Variants in PPP2CA observed in about 807,000 individuals in gnomAD.
PPP2CA encodes the protein serine/threonine-protein phosphatase 2A catalytic subunit alpha isoform.
Under a neutral mutation model 38.8 loss-of-function variants are expected in PPP2CA, and 5 were observed. That is an observed-to-expected ratio of 0.13 (90% confidence interval 0.07 to 0.27). The LOEUF (loss-of-function observed/expected upper bound fraction) is 0.27, where lower values mean the gene tolerates loss of function less well. Among genes scored for constraint, PPP2CA ranks in the 10% least tolerant of loss-of-function variants. PPP2CA has a pLI of 1.00. For synonymous variants in PPP2CA, 152 were observed against 134.0 expected, an observed-to-expected ratio of 1.13 and a Z score of -0.93; for missense variants, 88 against 389.7, an observed-to-expected ratio of 0.23 and a Z score of 6.52.
chr5:134,225,548 CCATTTTAGGCGGCGG>C (rs1300448917), intron 1 of PPP2CA, 197 bp downstream of exon 1: 2 of 492,534 alleles, frequency 4.1e-6, no homozygotes, highest in Non-Finnish European at 7.2e-6. Flanking sequence ...GTGAACGGCG[CCATTTTAGGCGGCGG>C]CGGCAACCAA....
chr5:134,225,531 G>A (rs1395891113), intron 1 of PPP2CA: 2 of 478,608 alleles, frequency 4.2e-6, no homozygotes, highest in Admixed American at 4.2e-5. Flanking sequence ...AAAAGCCCAG[G>A]AGTCGAGTGA....
chr5:134,223,594 A>G (rs1302383998), intron 1 of PPP2CA, among the ~76,000 whole-genome samples: 1 of 152,206 alleles, frequency 6.6e-6, no homozygotes, highest in Non-Finnish European at 1.5e-5. Flanking sequence ...AAGCAGCGCA[A>G]GCAATGGAGA....
chr5:134,196,663 T>C lies in PPP2CA; in HGVS notation c.*1109A>G, dbSNP rs1386221911. On this transcript the variant is annotated 3_prime_UTR_variant, in exon 7 of 7. Transcript: ENST00000481195. ...CAATCATTTTAAAGAGTCCATATAATATACACATAGCAATATAATATTCAT... is the reference window on the plus strand; with the variant it reads ...CAATCATTTTAAAGAGTCCATATAACATACACATAGCAATATAATATTCAT... 1 of 152,228 alleles carries C rather than the reference T, an allele frequency of 6.6e-6. No homozygotes were observed. The highest frequency in any genetic ancestry group is 2.4e-5 in the African/African-American group (1 of 41,452). 9.4% of individuals were successfully genotyped at this position (152,228 alleles called of 1,614,324 possible). A position where few individuals can be genotyped will look rare whatever the true frequency, so the allele number is the denominator to read the frequency against.
In PPP2CA at chr5:134,206,054, C is replaced by T. The variant is rs145699446; in HGVS notation, c.180G>A (p.Gly60=). 74 of 1,614,048 alleles carry T rather than the reference C, an allele frequency of 4.6e-5. No homozygotes were observed. In the African/African-American group the frequency reaches 8.8e-4, roughly 19 times the overall value. The part of the protein sequence containing the change: ...CPVTVCGDVH[G]QFHDLMELFR... ...ACAGTTCCATGAGATCATGAAATTGCCCATGCACATCTCCACAGACAGTAA... is the reference window on the plus strand; with the variant it reads ...ACAGTTCCATGAGATCATGAAATTGTCCATGCACATCTCCACAGACAGTAA... Residue 60 remains glycine, a synonymous_variant, in exon 2 of 7, where the codon GGG becomes GGA. Coordinates refer to ENST00000481195, the MANE Select transcript of PPP2CA (RefSeq NM_002715.4).
intron 5 of PPP2CA, chr5:134,199,416 A>C (rs1761925634): frequency 2.6e-6 from 1 of 377,456 alleles, no homozygotes; most frequent in Non-Finnish European, 4.6e-6. Context: ...CTAATTACAA[A>C]ACTTGTTTTT....
intron 1 of PPP2CA, chr5:134,225,397 G>A (rs1335671298): frequency 1.8e-5 from 4 of 217,182 alleles, no homozygotes; most frequent in Non-Finnish European, 2.8e-5. Context: ...CCACCGGAGA[G>A]GCCCAGGCTC....
At position 134,225,959 on chromosome 5, in the gene PPP2CA, A is replaced by T. The variant is rs2149390401; in HGVS notation, c.-98T>A. 1 of 1,159,014 alleles carries T rather than the reference A, an allele frequency of 8.6e-7. No individual in the cohort carries two copies. The highest frequency in any genetic ancestry group is 1.4e-5 in the South Asian group (1 of 73,974). 71.8% of individuals were successfully genotyped at this position (1,159,014 alleles called of 1,614,324 possible). ...ACACGCCGCCGCCGGTTCCTCGTGTACTTCTGGCGGCTGTTGAGGCTGGCG... is the reference window on the plus strand; with the variant it reads ...ACACGCCGCCGCCGGTTCCTCGTGTTCTTCTGGCGGCTGTTGAGGCTGGCG... On this transcript the variant is annotated 5_prime_UTR_variant, in exon 1 of 7. Transcript: ENST00000481195.
chr5:134,199,321 A>C (rs1761923286), intron 5 of PPP2CA, 117 bp from the exon 6 acceptor site: 1 of 724,134 alleles, frequency 1.4e-6, no homozygotes, highest in Admixed American at 2.4e-5. Context: ...GGGGCTTAAG[A>C]AATGTTAATG....
At chr5:134,197,878 CACGACCTCCAT>C (rs1386062983) in intron 6 of PPP2CA, 34 bp from the exon 7 acceptor site, 3 of 1,565,706 alleles carry the variant, frequency 1.9e-6, no homozygotes, top group Non-Finnish European at 2.6e-6. Flanking sequence ...GTTTATGTTC[CACGACCTCCAT>C]GTAGTGACAA....
Position 134,199,212 on chromosome 5 carries a change from G to A in PPP2CA, c.739-8C>T. On this transcript the variant is annotated splice_polypyrimidine_tract_variant and splice_region_variant and intron_variant, in intron 5 of 6. Coordinates refer to ENST00000481195, the MANE Select transcript of PPP2CA (RefSeq NM_002715.4). ...ATGGCACCAGTTATATCCCTGCAAG[G>A]AAAAGGAGACAAAAATCTTACTTTA... 1 of 1,594,726 alleles carries A rather than the reference G, an allele frequency of 6.3e-7. No homozygotes were observed.
intron 1 of PPP2CA, among the ~76,000 whole-genome samples, chr5:134,207,129 C>A (rs982385271): frequency 6.6e-6 from 1 of 152,216 alleles, no homozygotes; most frequent in Non-Finnish European, 1.5e-5. Context: ...CCCAGCCAGG[C>A]GCGGTGGCTC....
intron 5 of PPP2CA, 49 bp downstream of exon 5, chr5:134,200,286 C>T: frequency 6.5e-7 from 1 of 1,540,914 alleles, no homozygotes; most frequent in Non-Finnish European, 8.7e-7. Flanking sequence ...TATCTTCTTT[C>T]CTTAAGTTTA....
chr5:134,224,400 C>G (rs561627674), intron 1 of PPP2CA: 7 of 409,370 alleles, frequency 1.7e-5, no homozygotes, highest in Non-Finnish European at 2.9e-5. Flanking sequence ...ATCTGACTTA[C>G]TTAAATTCCA....
At chr5:134,207,660 C>T (rs1280435203) in intron 1 of PPP2CA, among the ~76,000 whole-genome samples, 3 of 152,174 alleles carry the variant, frequency 2.0e-5, no homozygotes, top group Non-Finnish European at 2.9e-5. Context: ...TTCAAACGAT[C>T]CTCCTGCCTC....
At chr5:134,206,932 C>T (rs1466518896) in intron 1 of PPP2CA, among the ~76,000 whole-genome samples, 2 of 152,122 alleles carry the variant, frequency 1.3e-5, no homozygotes, top group Admixed American at 1.3e-4. Context: ...AGTAACCAAG[C>T]CAAAAGTACA....
chr5:134,204,250 AG>A (rs1402440787), intron 2 of PPP2CA, among the ~76,000 whole-genome samples: 4 of 152,256 alleles, frequency 2.6e-5, no homozygotes, highest in African/African-American at 7.2e-5. Flanking sequence ...TCTGTTGCCT[AG>A]GGGGGAAAAA....
At chr5:134,222,711 G>A (rs1762471834) in intron 1 of PPP2CA, among the ~76,000 whole-genome samples, 1 of 152,216 alleles carries the variant, frequency 6.6e-6, no homozygotes, top group Non-Finnish European at 1.5e-5. Context: ...TCTGTAGATT[G>A]AAACATACCC....
intron 1 of PPP2CA, among the ~76,000 whole-genome samples, chr5:134,218,639 A>C (rs2149387959): frequency 6.6e-6 from 1 of 151,994 alleles, no homozygotes; most frequent in South Asian, 2.1e-4. Flanking sequence ...CATCTGTGTA[A>C]GATGAATTAG....
At chr5:134,200,004 ATACAT>A (rs1178926661) in intron 5 of PPP2CA, among the ~76,000 whole-genome samples, 1 of 152,218 alleles carries the variant, frequency 6.6e-6, no homozygotes, top group Non-Finnish European at 1.5e-5. Flanking sequence ...TCCTACATAC[ATACAT>A]TAAATATACG....
Sources: allele counts gnomAD v4.1 joint callset (sites outside exome capture counted in the v4.1 genomes callset), GRCh38; gene constraint gnomAD v4.1.1; transcripts MANE v1.5; gene names NCBI Gene and HGNC (gene_info 2026-07-23, HGNC 2026-07-21).